Variants in GRM8 observed in about 807,000 individuals in gnomAD.
The protein encoded by GRM8 is glutamate metabotropic receptor 8, also known as metabotropic glutamate receptor 8.
A neutral mutation model predicts 87.2 loss-of-function variants in GRM8; 47 were observed. The observed-to-expected ratio is 0.54, with a 90% CI of 0.43 to 0.69. The LOEUF (loss-of-function observed/expected upper bound fraction) is 0.69, where lower values mean the gene tolerates loss of function less well. GRM8 is among the 30% of genes least tolerant of loss of function. The probability of loss-of-function intolerance (pLI) is 0.00; values close to 1 mark genes in which losing one functional copy is unlikely to be tolerated. For synonymous variants in GRM8, 396 were observed against 404.5 expected, an observed-to-expected ratio of 0.98 and a Z score of 0.25; for missense variants, 1,019 against 1,139.2, an observed-to-expected ratio of 0.89 and a Z score of 1.52.
intron 3 of GRM8, among the ~76,000 whole-genome samples, chr7:127,065,279 A>G (rs146939435): frequency 1.3e-5 from 2 of 152,356 alleles, no homozygotes; most frequent in East Asian, 3.9e-4. Context: ...TGGAAAACCA[A>G]ATACCACATG....
intron 2 of GRM8, among the ~76,000 whole-genome samples, chr7:127,142,451 A>G (rs1315620462): frequency 6.6e-6 from 1 of 152,188 alleles, no homozygotes; most frequent in African/African-American, 2.4e-5. Context: ...CCCAGTGACA[A>G]GTAGTGCTTT....
chr7:127,165,656 G>A (rs1266378035), intron 2 of GRM8, among the ~76,000 whole-genome samples: 1 of 152,140 alleles, frequency 6.6e-6, no homozygotes, highest in Non-Finnish European at 1.5e-5. Context: ...CACAAAGGTG[G>A]CCTTTTACTT....
chr7:126,555,455 G>C (rs1411777644), intron 8 of GRM8, among the ~76,000 whole-genome samples: 2 of 152,158 alleles, frequency 1.3e-5, no homozygotes, highest in Non-Finnish European at 2.9e-5. Flanking sequence ...TCCCTGTCTT[G>C]TCACACAGAA....
At chr7:126,955,847 T>C (rs1480223445) in intron 3 of GRM8, among the ~76,000 whole-genome samples, 3 of 152,324 alleles carry the variant, frequency 2.0e-5, no homozygotes, top group African/African-American at 4.8e-5. Context: ...TAAGAGAGCC[T>C]GACAACTTTG....
At chr7:127,207,721 C>T (rs950837758) in intron 2 of GRM8, among the ~76,000 whole-genome samples, 1 of 152,088 alleles carries the variant, frequency 6.6e-6, no homozygotes, top group Non-Finnish European at 1.5e-5. Flanking sequence ...AAGCCAGACC[C>T]GTCTCATTAC....
chr7:126,897,877 A>C (rs1482627514), intron 6 of GRM8, among the ~76,000 whole-genome samples: 1 of 152,110 alleles, frequency 6.6e-6, no homozygotes, highest in Non-Finnish European at 1.5e-5. Flanking sequence ...TTATCTCAGA[A>C]AACTGTTTCT....
intron 2 of GRM8, among the ~76,000 whole-genome samples, chr7:127,177,630 T>C (rs1794192523): frequency 6.6e-6 from 1 of 152,174 alleles, no homozygotes. Context: ...GAACAAGCAC[T>C]GGTATCCATG....
At chr7:126,586,815 C>T (rs6467088) in intron 8 of GRM8, among the ~76,000 whole-genome samples, 3 of 151,842 alleles carry the variant, frequency 2.0e-5, no homozygotes, top group African/African-American at 7.3e-5. Flanking sequence ...GCAACAAAAG[C>T]CAAAATTGAC....
chr7:126,524,001 G>A (rs1813445300), intron 9 of GRM8, among the ~76,000 whole-genome samples: 1 of 151,830 alleles, frequency 6.6e-6, no homozygotes, highest in African/African-American at 2.4e-5. Context: ...ACTATATTAT[G>A]GCTACTAAAT....
intron 2 of GRM8, among the ~76,000 whole-genome samples, chr7:127,115,414 G>A (rs1001728274): frequency 6.6e-6 from 1 of 152,192 alleles, no homozygotes; most frequent in African/African-American, 2.4e-5. Context: ...TCTACACTAA[G>A]ACATTTTGAT....
chr7:126,708,376 G>C (rs1195113940), intron 7 of GRM8, among the ~76,000 whole-genome samples: 1 of 151,952 alleles, frequency 6.6e-6, no homozygotes, highest in Non-Finnish European at 1.5e-5. Flanking sequence ...TCACTACTAG[G>C]TGTATTTCCA....
In GRM8 at chr7:126,991,415, CT is replaced by C. The variant is rs535158523; in HGVS notation, c.728-86733del. ...CCAGTAAAAGACTGTGTTCCGAAGC[CT>C]AGAGACTTTCCATTTATAGCTTTCC... is the stretch of plus-strand genomic sequence containing the variant. On this transcript the variant is annotated intron_variant, in intron 3 of 10. Transcript: ENST00000339582. 8.6e-4 allele frequency among the ~76,000 whole-genome samples: 131 copies of C among 152,234 alleles called. 2 individuals carry two copies. The highest frequency in any genetic ancestry group is 3.0e-3 in the African/African-American group (123 of 41,556).
intron 2 of GRM8, among the ~76,000 whole-genome samples, chr7:127,123,868 CCTTCCTT>C (rs1827215714): frequency 1.4e-5 from 2 of 146,082 alleles, no homozygotes; most frequent in African/African-American, 2.4e-5. Flanking sequence ...ACAAACCTTC[CCTTCCTT>C]CTTCCTTTCC....
rs146387881 is a variant in GRM8 at position 126,909,210 on chromosome 7, T to C, written c.728-4527A>G. On this transcript the variant is annotated intron_variant, in intron 3 of 10. Coordinates refer to ENST00000339582, the MANE Select transcript of GRM8 (RefSeq NM_000845.3). ...AGTTCAGTCATAAATGACAAATAGG[T>C]CATCCCCTAAAATAGTCCTATGACT... is the stretch of plus-strand genomic sequence containing the variant. Among the ~76,000 whole-genome samples the C allele has an allele frequency of 9.1e-3, 1,386 of 152,312 alleles. 21 individuals carry two copies. The highest frequency in any genetic ancestry group is 0.031 in the African/African-American group (1,290 of 41,570).
chr7:127,006,506 T>C (rs1216365570), intron 3 of GRM8, among the ~76,000 whole-genome samples: 2 of 152,056 alleles, frequency 1.3e-5, no homozygotes, highest in South Asian at 2.1e-4. Context: ...GACGTCTGTC[T>C]CCACTACTCC....
intron 9 of GRM8, among the ~76,000 whole-genome samples, chr7:126,483,734 T>A (rs1807002727): frequency 7.4e-6 from 1 of 135,640 alleles, no homozygotes; most frequent in Non-Finnish European, 1.6e-5. Context: ...AAACTTACCC[T>A]TAGTATTTCC....
Position 126,839,621 on chromosome 7 carries a change from G to A in GRM8, c.1156+62921C>T, listed in dbSNP as rs140832575. 4.9e-3 allele frequency among the ~76,000 whole-genome samples: 745 copies of A among 152,300 alleles called. 5 individuals carry two copies. Among genetic ancestry groups the A allele is most frequent in the Middle Eastern group, 6.8e-3 (2 of 294 alleles). On this transcript the variant is annotated intron_variant, in intron 6 of 10. Coordinates refer to ENST00000339582, the MANE Select transcript of GRM8 (RefSeq NM_000845.3). Reference sequence around the variant, plus strand: ...AGAAAACGATGACCTGGGAATAACAGAGGAAGGAGATACCTGGTAAGGGAA... The same window carrying A: ...AGAAAACGATGACCTGGGAATAACAAAGGAAGGAGATACCTGGTAAGGGAA...
At chr7:126,932,885 T>A (rs1307607312) in intron 3 of GRM8, among the ~76,000 whole-genome samples, 2 of 152,178 alleles carry the variant, frequency 1.3e-5, no homozygotes, top group African/African-American at 4.8e-5. Flanking sequence ...TTCCCTCAAA[T>A]GTCCGATTAA....
chr7:126,979,501 T>C (rs1043074451), intron 3 of GRM8, among the ~76,000 whole-genome samples: 9 of 152,210 alleles, frequency 5.9e-5, no homozygotes, highest in Admixed American at 4.6e-4. Flanking sequence ...CTTGAGTGTT[T>C]GTTAAGCATT....
Sources: gnomAD v4.1 joint callset for allele counts (sites outside exome capture counted in the v4.1 genomes callset) on GRCh38, gnomAD v4.1.1 for gene constraint, MANE v1.5 for transcripts, NCBI Gene and HGNC (gene_info 2026-07-23, HGNC 2026-07-21) for gene names.